Variants in HCK observed in about 807,000 individuals in gnomAD.
HCK encodes the protein tyrosine-protein kinase HCK.
HCK carries 40 observed loss-of-function variants against 70.4 expected under a neutral mutation model. That is an observed-to-expected ratio of 0.57 (90% confidence interval 0.44 to 0.74). The LOEUF is 0.74. Among genes scored for constraint, HCK ranks in the 30% least tolerant of loss-of-function variants. HCK has a pLI of 0.00. For synonymous variants in HCK, 245 were observed against 263.2 expected, an observed-to-expected ratio of 0.93 and a Z score of 0.67; for missense variants, 568 against 697.2, an observed-to-expected ratio of 0.81 and a Z score of 2.09.
At chr20:32,086,388 G>A (rs1303405442) in intron 8 of HCK, among the ~76,000 whole-genome samples, 1 of 152,204 alleles carries the variant, frequency 6.6e-6, no homozygotes, top group Admixed American at 6.5e-5. Context: ...GGAAGCTGAG[G>A]AAGCCACGGC....
intron 1 of HCK, chr20:32,054,245 T>G: frequency 2.2e-6 from 1 of 456,400 alleles, no homozygotes. Flanking sequence ...TTACAGTCCT[T>G]CCAGGATGTG....
chr20:32,077,849 G>A (rs1421915197), intron 5 of HCK, among the ~76,000 whole-genome samples: 1 of 151,952 alleles, frequency 6.6e-6, no homozygotes, highest in South Asian at 2.1e-4. Context: ...ATACCACAGG[G>A]CGTCTGTCCT....
intron 10 of HCK, among the ~76,000 whole-genome samples, chr20:32,092,099 T>TG (rs1569005165): frequency 6.6e-6 from 1 of 152,112 alleles, no homozygotes. Context: ...CCTCAGACCT[T>TG]GAGAAGCCGG....
chr20:32,074,623 A>G lies in HCK; in HGVS notation c.330A>G (p.Glu110=), dbSNP rs140850435. The G allele has an allele frequency of 1.6e-3, 2,591 of 1,608,494 alleles. 11 individuals carry two copies. Among genetic ancestry groups the G allele is most frequent in the South Asian group, 7.6e-3 (689 of 90,978 alleles). Residue 110 remains glutamate (E), a splice_region_variant and synonymous_variant, in exon 5 of 13, where the codon GAA becomes GAG. Coordinates refer to ENST00000375852, the MANE Select transcript of HCK (RefSeq NM_002110.5). ...ACCTTTACTCCCTCATGTCCCTCAG[A>G]TCCGGGGAGTGGTGGAAGGCTCGAT...
At chr20:32,072,818 T>C (rs6061152) in intron 2 of HCK, among the ~76,000 whole-genome samples, 115,903 of 151,918 alleles carry the variant, frequency 0.76, 44,743 homozygotes, top group East Asian at 1. Flanking sequence ...AAGGCCGAGG[T>C]CACAGCTCAA....
intron 2 of HCK, 144 bp downstream of exon 2, chr20:32,071,926 G>A (rs973140556): frequency 2.1e-5 from 20 of 946,496 alleles, no homozygotes; most frequent in South Asian, 3.5e-5. Context: ...GTCCTGACTC[G>A]ACTCTCCGGG....
rs989794230 is a variant in HCK at position 32,069,812 on chromosome 20, A to C, written c.63-1850A>C. 3.9e-5 allele frequency: 47 copies of C among 1,215,390 alleles called. No individual in the cohort carries two copies. The African/African-American group carries it at 7.4e-4, about 19-fold the overall frequency. 75.3% of individuals were successfully genotyped at this position (1,215,390 alleles called of 1,614,324 possible). A position where few individuals can be genotyped will look rare whatever the true frequency, so the allele number is the denominator to read the frequency against. On this transcript the variant is annotated intron_variant, in intron 1 of 12. Coordinates refer to ENST00000375852, the MANE Select transcript of HCK (RefSeq NM_002110.5). ...TTTTAAAAGTAACTCATCTAAGCCT[A>C]GGAGTTTGGGGTTTTTTTCCTTAAA...
chr20:32,058,095 C>A lies in HCK; in HGVS notation c.62+5609C>A, dbSNP rs541583624. Among the ~76,000 whole-genome samples, 3 of 152,264 alleles carry A rather than the reference C, an allele frequency of 2.0e-5. No homozygotes were observed. The South Asian group carries it at 6.2e-4, about 32-fold the overall frequency. ...GCCAAGAGAACAGGAATCCCAGCCT[C>A]ATCTCTACCATAGAAATGAAGAACA... On this transcript the variant is annotated intron_variant, in intron 1 of 12. Coordinates refer to ENST00000375852, the MANE Select transcript of HCK (RefSeq NM_002110.5).
chr20:32,058,605 A>AACACACACAC (rs60349531), intron 1 of HCK, among the ~76,000 whole-genome samples: 10,199 of 142,292 alleles, frequency 0.072, 503 homozygotes, highest in South Asian at 0.11. Flanking sequence ...TTTATGTCAA[A>AACACACACAC]ACACACACAC....
chr20:32,070,796 T>TTTA, intron 1 of HCK, among the ~76,000 whole-genome samples: 1 of 151,618 alleles, frequency 6.6e-6, no homozygotes, highest in African/African-American at 2.4e-5. Flanking sequence ...GCCCAGTAAA[T>TTTA]CTTGGCTGTG....
At chr20:32,094,336 G>C (rs991787290) in intron 11 of HCK, among the ~76,000 whole-genome samples, 6 of 152,128 alleles carry the variant, frequency 3.9e-5, no homozygotes, top group African/African-American at 1.4e-4. Flanking sequence ...TCCATAGCAG[G>C]AGGATGGATT....
intron 4 of HCK, 64 bp from the exon 5 acceptor site, chr20:32,074,559 A>C (rs2045593974): frequency 8.3e-7 from 1 of 1,208,138 alleles, no homozygotes; most frequent in Non-Finnish European, 1.2e-6. Flanking sequence ...AAGGCTGGGG[A>C]GCTTGAGGAG....
intron 5 of HCK, among the ~76,000 whole-genome samples, chr20:32,077,792 G>A (rs905046719): frequency 1.3e-5 from 2 of 152,142 alleles, no homozygotes; most frequent in African/African-American, 4.8e-5. Flanking sequence ...CCAAAGTGCT[G>A]GGATTACAGG....
chr20:32,067,639 T>C (rs758715744), intron 1 of HCK, among the ~76,000 whole-genome samples: 2 of 148,460 alleles, frequency 1.3e-5, no homozygotes, highest in African/African-American at 4.9e-5. Flanking sequence ...TCACTGTGCA[T>C]GACACTCCTA....
At chr20:32,059,435 T>TTTA (rs2045332373) in intron 1 of HCK, among the ~76,000 whole-genome samples, 1 of 147,174 alleles carries the variant, frequency 6.8e-6, no homozygotes, top group Non-Finnish European at 1.5e-5. Context: ...CTTTCTTTTT[T>TTTA]CTTTCTTTCT....
At chr20:32,096,985 T>A (rs6089174) in intron 11 of HCK, among the ~76,000 whole-genome samples, 69,767 of 151,910 alleles carry the variant, frequency 0.46, 18,689 homozygotes, top group African/African-American at 0.76. Flanking sequence ...ATAACTCGAT[T>A]AAAAAAAATT....
At chr20:32,062,568 G>A (rs1028585641) in intron 1 of HCK, among the ~76,000 whole-genome samples, 1 of 152,130 alleles carries the variant, frequency 6.6e-6, no homozygotes, top group Non-Finnish European at 1.5e-5. Flanking sequence ...TCTGTCGCTC[G>A]CCATCGTGTG....
At chr20:32,089,442 A>G (rs2045835107) in intron 10 of HCK, among the ~76,000 whole-genome samples, 1 of 152,244 alleles carries the variant, frequency 6.6e-6, no homozygotes. Context: ...ATAGCAGTGA[A>G]CAAAATGAAA....
intron 1 of HCK, among the ~76,000 whole-genome samples, chr20:32,071,066 A>G (rs573961428): frequency 3.3e-5 from 5 of 152,158 alleles, no homozygotes; most frequent in African/African-American, 1.2e-4. Context: ...AGATTGTTTG[A>G]GCCATGTTAT....
Sources: gnomAD v4.1 joint callset for allele counts (sites outside exome capture counted in the v4.1 genomes callset) on GRCh38, gnomAD v4.1.1 for gene constraint, MANE v1.5 for transcripts, NCBI Gene and HGNC (gene_info 2026-07-23, HGNC 2026-07-21) for gene names.